The following MACROD2 variants were observed in gnomAD, a reference collection of about 807,000 sequenced individuals.
The protein encoded by MACROD2 is mono-ADP ribosylhydrolase 2.
In MACROD2, 36 loss-of-function variants were observed where a neutral mutation model predicts 70.4. That is an observed-to-expected ratio of 0.51 (90% confidence interval 0.39 to 0.68). The LOEUF is 0.68. Ranked by LOEUF, MACROD2 falls within the 30% of genes least tolerant of loss-of-function variation. MACROD2 has a pLI of 0.00. For missense variants in MACROD2, 496 were observed against 538.4 expected, an observed-to-expected ratio of 0.92 and a Z score of 0.78; for synonymous variants, 172 against 178.8, an observed-to-expected ratio of 0.96 and a Z score of 0.30.
chr20:14,259,939 T>TGAA (rs1361517252), intron 3 of MACROD2, among the ~76,000 whole-genome samples: 1 of 152,178 alleles, frequency 6.6e-6, no homozygotes, highest in Non-Finnish European at 1.5e-5. Flanking sequence ...GGAAACAGAT[T>TGAA]GAAGTTCCTT....
intron 4 of MACROD2, among the ~76,000 whole-genome samples, chr20:14,563,231 G>A (rs1308755260): frequency 6.6e-6 from 1 of 151,928 alleles, no homozygotes; most frequent in South Asian, 2.1e-4. Flanking sequence ...TTAGTCCCTG[G>A]TAGGGGGCAA....
At position 14,871,762 on chromosome 20, in the gene MACROD2, A is replaced by G. The variant is rs189435934; in HGVS notation, c.418+186803A>G. On this transcript the variant is annotated intron_variant, in intron 5 of 17. Transcript: ENST00000684519. ...AAAGAAAGAAGATCATAGATATGCT[A>G]TCTTCAAGAGACCCATCTCACATGC... 3.3e-4 allele frequency among the ~76,000 whole-genome samples: 50 copies of G among 152,270 alleles called. 1 individual carries two copies. The highest frequency in any genetic ancestry group is 2.8e-3 in the Admixed American group (43 of 15,280).
chr20:14,872,286 G>A (rs1568846965), intron 5 of MACROD2, among the ~76,000 whole-genome samples: 1 of 152,014 alleles, frequency 6.6e-6, no homozygotes, highest in Non-Finnish European at 1.5e-5. Context: ...GGATTTTATG[G>A]CAAATTTTTA....
chr20:15,471,169 A>C (rs2095458623), intron 7 of MACROD2, among the ~76,000 whole-genome samples: 1 of 152,188 alleles, frequency 6.6e-6, no homozygotes, highest in Admixed American at 6.5e-5. Flanking sequence ...CAAAACTATC[A>C]ACATAGGGAT....
intron 8 of MACROD2, among the ~76,000 whole-genome samples, chr20:15,514,108 CTG>C (rs1250971007): frequency 1.3e-5 from 2 of 152,092 alleles, no homozygotes; most frequent in East Asian, 3.8e-4. Context: ...CTATTTTAAA[CTG>C]TGTTATTACA....
intron 5 of MACROD2, among the ~76,000 whole-genome samples, chr20:14,898,096 A>G (rs964319177): frequency 1.2e-4 from 19 of 152,190 alleles, no homozygotes; most frequent in African/African-American, 4.6e-4. Context: ...CTTTATAAAA[A>G]TCTTCAATGT....
intron 3 of MACROD2, among the ~76,000 whole-genome samples, chr20:14,132,417 T>C (rs1171391646): frequency 6.6e-6 from 1 of 152,170 alleles, no homozygotes; most frequent in Non-Finnish European, 1.5e-5. Context: ...CTGGAATATA[T>C]ATAGGAGACT....
At chr20:14,628,249 A>G (rs887543360) in intron 4 of MACROD2, among the ~76,000 whole-genome samples, 1 of 152,166 alleles carries the variant, frequency 6.6e-6, no homozygotes, top group Non-Finnish European at 1.5e-5. Flanking sequence ...CAGGGGAGTG[A>G]TATAGTCAGC....
At chr20:15,047,768 G>C (rs1032101209) in intron 5 of MACROD2, among the ~76,000 whole-genome samples, 2 of 152,090 alleles carry the variant, frequency 1.3e-5, no homozygotes, top group African/African-American at 2.4e-5. Context: ...ATTACAGTGT[G>C]ATTAGGTTTC....
At chr20:14,962,584 A>C (rs1022782026) in intron 5 of MACROD2, among the ~76,000 whole-genome samples, 1 of 151,228 alleles carries the variant, frequency 6.6e-6, no homozygotes, top group Non-Finnish European at 1.5e-5. Flanking sequence ...AAGTTACGCT[A>C]TAACAAGTGT....
At chr20:15,111,313 C>T (rs1295008235) in intron 5 of MACROD2, among the ~76,000 whole-genome samples, 1 of 151,882 alleles carries the variant, frequency 6.6e-6, no homozygotes, top group Non-Finnish European at 1.5e-5. Context: ...GCTGGGATTA[C>T]AGGTGCCTGC....
intron 15 of MACROD2, among the ~76,000 whole-genome samples, chr20:16,018,405 A>G (rs1318073636): frequency 2.0e-5 from 3 of 152,098 alleles, no homozygotes; most frequent in Admixed American, 2.0e-4. Context: ...CTACCAAAGC[A>G]TACTCTTTAT....
chr20:15,705,781 T>C (rs928081786), intron 8 of MACROD2, among the ~76,000 whole-genome samples: 5 of 150,800 alleles, frequency 3.3e-5, no homozygotes, highest in Non-Finnish European at 7.4e-5. Context: ...TTTACCTTCC[T>C]TTTTTTTTCT....
intron 6 of MACROD2, among the ~76,000 whole-genome samples, chr20:15,387,263 C>A (rs897907014): frequency 9.2e-5 from 14 of 151,992 alleles, no homozygotes; most frequent in African/African-American, 3.4e-4. Context: ...ACTTGATTTT[C>A]TGCTATTTCT....
chr20:15,530,146 G>A (rs113968633), intron 8 of MACROD2, among the ~76,000 whole-genome samples: 1,982 of 152,118 alleles, frequency 0.013, 24 homozygotes, highest in Non-Finnish European at 0.02. Context: ...CCCTTCTTTG[G>A]CCATATGTAG....
chr20:14,876,541 A>T (rs1354126490), intron 5 of MACROD2, among the ~76,000 whole-genome samples: 1 of 152,098 alleles, frequency 6.6e-6, no homozygotes, highest in African/African-American at 2.4e-5. Flanking sequence ...ATTCTTTGCC[A>T]AAGCCAATAT....
In MACROD2 at chr20:15,430,231, T is replaced by C. The variant is rs1157785547; in HGVS notation, c.541-1174T>C. Among the ~76,000 whole-genome samples the C allele has an allele frequency of 7.9e-5, 12 of 152,144 alleles. No individual in the cohort carries two copies. The East Asian group carries it at 2.3e-3, about 29-fold the overall frequency. On this transcript the variant is annotated intron_variant, in intron 6 of 17. Coordinates refer to ENST00000684519, the MANE Select transcript of MACROD2 (RefSeq NM_001351661.2). ...TTGTATTGTATTTTTTTTCTTGTTA[T>C]AGATAGCACTGTGATAAATGCAGGA...
intron 8 of MACROD2, among the ~76,000 whole-genome samples, chr20:15,714,752 GT>G (rs2050682475): frequency 6.6e-6 from 1 of 151,990 alleles, no homozygotes; most frequent in Admixed American, 6.6e-5. Flanking sequence ...TTACTAATAT[GT>G]GCCACATACT....
chr20:15,941,197 C>T (rs970232074), intron 12 of MACROD2, among the ~76,000 whole-genome samples: 1 of 152,108 alleles, frequency 6.6e-6, no homozygotes, highest in Non-Finnish European at 1.5e-5. Flanking sequence ...ATCACAAATG[C>T]AGTTCCTATG....
Sources: allele counts gnomAD v4.1 joint callset (sites outside exome capture counted in the v4.1 genomes callset), GRCh38; gene constraint gnomAD v4.1.1; transcripts MANE v1.5; gene names NCBI Gene and HGNC (gene_info 2026-07-23, HGNC 2026-07-21).